The following LRP1B variants were observed in gnomAD, a reference collection of about 807,000 sequenced individuals.
LRP1B encodes LDL receptor related protein 1B.
Under a neutral mutation model 556.6 loss-of-function variants are expected in LRP1B, and 217 were observed. The observed-to-expected ratio is 0.39, with a 90% confidence interval of 0.35 to 0.44. The LOEUF (loss-of-function observed/expected upper bound fraction) is 0.44, where lower values mean the gene tolerates loss of function less well. LRP1B is among the 20% of genes least tolerant of loss of function. The probability of loss-of-function intolerance (pLI) is 1.00; values close to 1 mark genes in which losing one functional copy is unlikely to be tolerated. For missense variants in LRP1B, 5,053 were observed against 5,620.8 expected (o/e 0.90, Z 3.23); for synonymous variants, 2,047 against 1,865.8 (o/e 1.10, Z -2.50).
chr2:141,106,114 C>G (rs952266360), intron 7 of LRP1B, among the ~76,000 whole-genome samples: 15 of 152,142 alleles, frequency 9.9e-5, no homozygotes, highest in Non-Finnish European at 2.1e-4. Flanking sequence ...CTTCATCTCA[C>G]TTTACTTAGA....
intron 1 of LRP1B, among the ~76,000 whole-genome samples, chr2:141,853,318 T>C (rs1697928531): frequency 6.6e-6 from 1 of 151,668 alleles, no homozygotes; most frequent in African/African-American, 2.4e-5. Flanking sequence ...ATTTAAGTTA[T>C]AACGGTTATG....
chr2:140,689,651 T>C (rs1439689093), intron 41 of LRP1B, among the ~76,000 whole-genome samples: 1 of 152,212 alleles, frequency 6.6e-6, no homozygotes, highest in Non-Finnish European at 1.5e-5. Context: ...TATGAATCAC[T>C]ATTCCCAAGT....
intron 2 of LRP1B, among the ~76,000 whole-genome samples, chr2:141,567,938 C>T (rs1257762077): frequency 6.7e-6 from 1 of 149,884 alleles, no homozygotes; most frequent in Admixed American, 6.7e-5. Context: ...GGGGAGCAAA[C>T]GGTGATTGTC....
At chr2:141,022,936 T>C (rs1243273289) in intron 11 of LRP1B, among the ~76,000 whole-genome samples, 1 of 151,816 alleles carries the variant, frequency 6.6e-6, no homozygotes, top group African/African-American at 2.4e-5. Context: ...GGTCAAAATC[T>C]CCCTTAGCTT....
intron 3 of LRP1B, among the ~76,000 whole-genome samples, chr2:141,386,737 C>A (rs11904688): frequency 0.065 from 9,947 of 151,996 alleles, 453 homozygotes; most frequent in African/African-American, 0.12. Flanking sequence ...CAAACATGCA[C>A]AGATTTGAGA....
At chr2:140,376,874 C>G (rs1427078207) in intron 68 of LRP1B, among the ~76,000 whole-genome samples, 1 of 152,140 alleles carries the variant, frequency 6.6e-6, no homozygotes, top group Admixed American at 6.6e-5. Flanking sequence ...GTATCTCCCA[C>G]AGAGGCATGA....
intron 32 of LRP1B, among the ~76,000 whole-genome samples, chr2:140,791,956 G>T (rs117552959): frequency 0.018 from 2,800 of 152,216 alleles, 123 homozygotes; most frequent in East Asian, 0.17. Flanking sequence ...CTTTCTGAAG[G>T]TGATATAAAT....
At position 140,744,117 on chromosome 2, in the gene LRP1B, G is replaced by A. The variant is rs115194091; in HGVS notation, c.5758+25096C>T. On this transcript the variant is annotated intron_variant, in intron 35 of 90. Coordinates refer to ENST00000389484, the MANE Select transcript of LRP1B (RefSeq NM_018557.3). Reference sequence around the variant, plus strand: ...GATAAACAGGTTCTGGGGATCTAAGGTACAGCATGAATGGTGATAGATGTA... The same window carrying A: ...GATAAACAGGTTCTGGGGATCTAAGATACAGCATGAATGGTGATAGATGTA... Among the ~76,000 whole-genome samples the A allele has an allele frequency of 6.6e-3, 999 of 151,992 alleles. 5 individuals carry two copies. The highest frequency in any genetic ancestry group is 0.023 in the African/African-American group (950 of 41,456).
chr2:141,512,293 G>C (rs1386408192), intron 2 of LRP1B, among the ~76,000 whole-genome samples: 1 of 152,124 alleles, frequency 6.6e-6, no homozygotes, highest in Non-Finnish European at 1.5e-5. Context: ...ATTGCTGATT[G>C]CCTTAGGTGT....
intron 84 of LRP1B, among the ~76,000 whole-genome samples, chr2:140,284,008 TG>T (rs1221934094): frequency 6.6e-6 from 1 of 151,572 alleles, no homozygotes; most frequent in Non-Finnish European, 1.5e-5. Context: ...TATGAAGGCC[TG>T]AAAAAAGAAT....
intron 66 of LRP1B, among the ~76,000 whole-genome samples, chr2:140,400,967 G>A (rs1265550407): frequency 6.6e-6 from 1 of 152,160 alleles, no homozygotes; most frequent in Admixed American, 6.5e-5. Context: ...GTGCCTTGGC[G>A]GTATTTCCAG....
intron 66 of LRP1B, among the ~76,000 whole-genome samples, chr2:140,418,629 C>T (rs1358580162): frequency 1.3e-5 from 2 of 151,812 alleles, no homozygotes; most frequent in East Asian, 3.9e-4. Flanking sequence ...ACAGAGTACA[C>T]TGGATATAAG....
intron 7 of LRP1B, among the ~76,000 whole-genome samples, chr2:141,146,948 C>T (rs1419016866): frequency 6.6e-6 from 1 of 152,152 alleles, no homozygotes; most frequent in Non-Finnish European, 1.5e-5. Context: ...CTGTTCTGTT[C>T]TTTGCCCCAG....
intron 7 of LRP1B, among the ~76,000 whole-genome samples, chr2:141,082,246 T>C (rs566049128): frequency 6.6e-6 from 1 of 152,210 alleles, no homozygotes; most frequent in African/African-American, 2.4e-5. Flanking sequence ...TCAATGTGCA[T>C]AAACTGTAGG....
intron 32 of LRP1B, among the ~76,000 whole-genome samples, chr2:140,806,594 A>G (rs1473802341): frequency 1.3e-5 from 2 of 152,168 alleles, no homozygotes; most frequent in African/African-American, 4.8e-5. Context: ...AAATTACTAC[A>G]TGACTCATTT....
At chr2:141,084,463 T>C (rs1034010120) in intron 7 of LRP1B, among the ~76,000 whole-genome samples, 4 of 152,194 alleles carry the variant, frequency 2.6e-5, no homozygotes, top group African/African-American at 9.7e-5. Flanking sequence ...TAATAAACCA[T>C]AGAGAAATGG....
intron 1 of LRP1B, among the ~76,000 whole-genome samples, chr2:141,869,669 A>G (rs959970364): frequency 6.6e-6 from 1 of 152,100 alleles, no homozygotes; most frequent in Non-Finnish European, 1.5e-5. Flanking sequence ...CAGTTATTCT[A>G]AGGTTCATTT....
chr2:140,730,375 A>G (rs1243155078), intron 35 of LRP1B, among the ~76,000 whole-genome samples: 4 of 152,210 alleles, frequency 2.6e-5, no homozygotes, highest in Non-Finnish European at 4.4e-5. Context: ...TCACTTAGAT[A>G]GCATCCAAAC....
chr2:141,229,973 A>G (rs937186326), intron 5 of LRP1B, among the ~76,000 whole-genome samples: 2 of 152,184 alleles, frequency 1.3e-5, no homozygotes, highest in African/African-American at 2.4e-5. Context: ...TAGTGACTAG[A>G]TAGTGATTAC....
Sources: gnomAD v4.1 joint callset for allele counts (sites outside exome capture counted in the v4.1 genomes callset) on GRCh38, gnomAD v4.1.1 for gene constraint, MANE v1.5 for transcripts, NCBI Gene and HGNC (gene_info 2026-07-23, HGNC 2026-07-21) for gene names.